Variants in PALLD observed in about 807,000 individuals in gnomAD.
The protein encoded by PALLD is palladin.
In PALLD, 61 loss-of-function variants were observed where a neutral mutation model predicts 123.5. The ratio of observed to expected loss-of-function variants is 0.49; its 90% confidence interval spans 0.40 to 0.61. PALLD has a LOEUF of 0.61. Among genes scored for constraint, PALLD ranks in the 20% least tolerant of loss-of-function variants. PALLD has a pLI of 0.00. For synonymous variants in PALLD, 465 were observed against 496.4 expected, an observed-to-expected ratio of 0.94 and a Z score of 0.84; for missense variants, 1,273 against 1,377.0, an observed-to-expected ratio of 0.92 and a Z score of 1.20.
At chr4:168,898,231 CAGAGA>C in intron 13 of PALLD, 1 of 502,342 alleles carries the variant, frequency 2.0e-6, no homozygotes, top group South Asian at 2.2e-5. Flanking sequence ...CCCCTCGCCT[CAGAGA>C]AAAGAAGGAA....
intron 10 of PALLD, among the ~76,000 whole-genome samples, chr4:168,781,210 T>A (rs1388962993): frequency 6.6e-6 from 1 of 152,314 alleles, no homozygotes; most frequent in African/African-American, 2.4e-5. Context: ...GGAATCAAAA[T>A]TAGGAGAATT....
At position 168,542,717 on chromosome 4, in the gene PALLD, CATATATATATATATATATAT is replaced by C. The variant is rs70961531; in HGVS notation, c.908+30332_908+30351del. Among the ~76,000 whole-genome samples, 199 of 88,950 alleles carry C rather than the reference CATATATATATATATATATAT, an allele frequency of 2.2e-3. 6 individuals carry two copies. Among genetic ancestry groups the C allele is most frequent in the African/African-American group, 7.6e-3 (128 of 16,878 alleles). 58.4% of individuals were successfully genotyped at this position (88,950 alleles called of 152,430 possible). A position where few individuals can be genotyped will look rare whatever the true frequency, so the allele number is the denominator to read the frequency against. On this transcript the variant is annotated intron_variant, in intron 2 of 21. Coordinates refer to ENST00000505667, the MANE Select transcript of PALLD (RefSeq NM_001166108.2). ...ACATGTTTCTCCCAGCTAACCTTTC[CATATATATATATATATATAT>C]ATATATATATATATATATATATATA...
chr4:168,793,190 T>A (rs1737820691), intron 10 of PALLD, among the ~76,000 whole-genome samples: 1 of 119,770 alleles, frequency 8.3e-6, no homozygotes, highest in Non-Finnish European at 1.7e-5. Flanking sequence ...TATATACATA[T>A]ATATGTGTGC....
At chr4:168,809,054 G>A (rs560904008) in intron 10 of PALLD, among the ~76,000 whole-genome samples, 2 of 152,278 alleles carry the variant, frequency 1.3e-5, no homozygotes, top group South Asian at 4.1e-4. Context: ...TATACCCTAT[G>A]TCTAATACAT....
At chr4:168,556,466 C>CCTCTTCCATTCACATATATT (rs1561243546) in intron 2 of PALLD, among the ~76,000 whole-genome samples, 1 of 152,080 alleles carries the variant, frequency 6.6e-6, no homozygotes, top group African/African-American at 2.4e-5. Context: ...AAGTGTTTTC[C>CCTCTTCCATTCACATATATT]CTCTTCCATT....
rs182397123 is a variant in PALLD at position 168,678,408 on chromosome 4, T to C, written c.1088-2924T>C. On this transcript the variant is annotated intron_variant, in intron 3 of 21. Coordinates refer to ENST00000505667, the MANE Select transcript of PALLD (RefSeq NM_001166108.2). Reference sequence around the variant, plus strand: ...CATCCTCAGGGAACTCATCATTTTCTAGCAGGCATGATATTCTAGGTGACG... The same window carrying C: ...CATCCTCAGGGAACTCATCATTTTCCAGCAGGCATGATATTCTAGGTGACG... Among the ~76,000 whole-genome samples, 4 of 152,316 alleles carry C rather than the reference T, an allele frequency of 2.6e-5. No homozygotes were observed. The East Asian group carries it at 7.7e-4, about 29-fold the overall frequency.
intron 10 of PALLD, among the ~76,000 whole-genome samples, chr4:168,838,109 G>A (rs548358988): frequency 1.3e-5 from 2 of 152,332 alleles, no homozygotes; most frequent in African/African-American, 2.4e-5. Context: ...AACACCAAAT[G>A]TTGAGTACAT....
intron 11 of PALLD, among the ~76,000 whole-genome samples, chr4:168,893,171 C>G (rs183130456): frequency 2.9e-4 from 44 of 152,182 alleles, no homozygotes; most frequent in African/African-American, 8.4e-4. Context: ...TCCAGGCCTG[C>G]CTTTGATGTG....
chr4:168,808,670 A>G (rs1257144938), intron 10 of PALLD, among the ~76,000 whole-genome samples: 2 of 152,194 alleles, frequency 1.3e-5, no homozygotes, highest in Non-Finnish European at 2.9e-5. Context: ...ACATGTCTGG[A>G]GAGGCCTCAC....
chr4:168,875,345 CTAAAAATAGCTTAAT>C (rs1459725143), intron 10 of PALLD, among the ~76,000 whole-genome samples: 1 of 151,968 alleles, frequency 6.6e-6, no homozygotes, highest in African/African-American at 2.4e-5. Flanking sequence ...ATCAACTTTT[CTAAAAATAGCTTAAT>C]GAGGAAGAAG....
intron 2 of PALLD, among the ~76,000 whole-genome samples, chr4:168,553,026 C>T (rs1353814589): frequency 6.6e-6 from 1 of 152,116 alleles, no homozygotes; most frequent in Non-Finnish European, 1.5e-5. Context: ...CAACATCCAA[C>T]AACCTATAAC....
intron 10 of PALLD, among the ~76,000 whole-genome samples, chr4:168,815,799 T>A (rs949812124): frequency 6.6e-6 from 1 of 152,228 alleles, no homozygotes; most frequent in African/African-American, 2.4e-5. Context: ...CGATAGGATA[T>A]CCTGTATGTT....
At chr4:168,736,599 G>T (rs1267969472) in intron 10 of PALLD, among the ~76,000 whole-genome samples, 1 of 152,120 alleles carries the variant, frequency 6.6e-6, no homozygotes. Flanking sequence ...CAGCAAAGGC[G>T]AATGGAATCC....
chr4:168,906,924 A>G (rs181676196), intron 15 of PALLD, among the ~76,000 whole-genome samples: 1 of 152,344 alleles, frequency 6.6e-6, no homozygotes, highest in African/African-American at 2.4e-5. Context: ...ACAAATACCA[A>G]GATTGTAGGG....
chr4:168,715,794 CA>C (rs1379896410), intron 10 of PALLD, among the ~76,000 whole-genome samples: 4 of 152,034 alleles, frequency 2.6e-5, no homozygotes, highest in African/African-American at 9.7e-5. Flanking sequence ...TCTAAAGATA[CA>C]AAAAATTAGC....
intron 10 of PALLD, among the ~76,000 whole-genome samples, chr4:168,764,561 A>ATGTG (rs758888347): frequency 7.2e-5 from 11 of 152,050 alleles, no homozygotes; most frequent in Non-Finnish European, 1.0e-4. Flanking sequence ...CCGACTACAG[A>ATGTG]TGTGTGCCAC....
intron 2 of PALLD, among the ~76,000 whole-genome samples, chr4:168,522,851 C>G (rs112697603): frequency 1.3e-5 from 2 of 152,254 alleles, no homozygotes; most frequent in Admixed American, 1.3e-4. Flanking sequence ...GACTAAACTG[C>G]TGGTCTCCTG....
chr4:168,867,431 TC>T (rs1183156088), intron 10 of PALLD, among the ~76,000 whole-genome samples: 1 of 152,222 alleles, frequency 6.6e-6, no homozygotes, highest in African/African-American at 2.4e-5. Flanking sequence ...GTCTAAGGCC[TC>T]CTTTTAAGTT....
At chr4:168,806,630 C>T (rs1419471517) in intron 10 of PALLD, among the ~76,000 whole-genome samples, 1 of 152,116 alleles carries the variant, frequency 6.6e-6, no homozygotes, top group Admixed American at 6.6e-5. Flanking sequence ...GATTCAATCA[C>T]CTATCATTTT....
Sources: allele counts gnomAD v4.1 joint callset (sites outside exome capture counted in the v4.1 genomes callset), GRCh38; gene constraint gnomAD v4.1.1; transcripts MANE v1.5; gene names NCBI Gene and HGNC (gene_info 2026-07-23, HGNC 2026-07-21).